DYM: variants seen among roughly 807,000 people sequenced by gnomAD.
DYM encodes dymeclin.
In DYM, 78 loss-of-function variants were observed where a neutral mutation model predicts 93.1. The ratio of observed to expected loss-of-function variants is 0.84; its 90% CI spans 0.70 to 1.01. The LOEUF is 1.01. Ranked by LOEUF, DYM falls within the 50% of genes least tolerant of loss-of-function variation. The probability of loss-of-function intolerance (pLI) is 0.00; values close to 1 mark genes in which losing one functional copy is unlikely to be tolerated. For missense variants in DYM, 789 were observed against 845.0 expected (o/e 0.93, Z 0.82); for synonymous variants, 321 against 319.7 (o/e 1.00, Z -0.04).
intron 1 of DYM, among the ~76,000 whole-genome samples, chr18:49,441,268 AAT>A (rs1491276415): frequency 8.9e-5 from 3 of 33,878 alleles, no homozygotes; most frequent in African/African-American, 2.6e-4. Flanking sequence ...ATAATTATAT[AAT>A]ATATATTATA....
intron 14 of DYM, among the ~76,000 whole-genome samples, chr18:49,188,704 G>C (rs2145634213): frequency 6.6e-6 from 1 of 152,258 alleles, no homozygotes; most frequent in South Asian, 2.1e-4. Context: ...TGGGGGGAAG[G>C]GGGAGGGATA....
At chr18:49,368,047 G>A (rs780563592) in intron 5 of DYM, among the ~76,000 whole-genome samples, 1 of 152,118 alleles carries the variant, frequency 6.6e-6, no homozygotes, top group Non-Finnish European at 1.5e-5. Flanking sequence ...TAATCATAAA[G>A]AGGAAAGGCA....
chr18:49,415,031 C>T (rs1306218860), intron 2 of DYM, among the ~76,000 whole-genome samples: 2 of 151,870 alleles, frequency 1.3e-5, no homozygotes, highest in Non-Finnish European at 2.9e-5. Flanking sequence ...GTCTCCCAGG[C>T]TGGAGTACAG....
chr18:49,364,667 C>T (rs2066344449), intron 5 of DYM, among the ~76,000 whole-genome samples: 1 of 152,116 alleles, frequency 6.6e-6, no homozygotes, highest in Non-Finnish European at 1.5e-5. Flanking sequence ...CTCCAAAGTA[C>T]AGCATGCCAG....
chr18:49,222,513 A>T (rs2093400200), intron 13 of DYM, among the ~76,000 whole-genome samples: 1 of 152,180 alleles, frequency 6.6e-6, no homozygotes, highest in Admixed American at 6.6e-5. Flanking sequence ...TGTCAAAAAG[A>T]CATAAGAGGC....
At chr18:49,195,798 A>G (rs2091382035) in intron 14 of DYM, among the ~76,000 whole-genome samples, 1 of 152,192 alleles carries the variant, frequency 6.6e-6, no homozygotes, top group Admixed American at 6.5e-5. Context: ...CAAATTCAAG[A>G]AGACTTAGGG....
At chr18:49,174,119 GTTTTCT>G (rs976438389) in intron 14 of DYM, among the ~76,000 whole-genome samples, 7 of 152,042 alleles carry the variant, frequency 4.6e-5, no homozygotes, top group African/African-American at 1.4e-4. Flanking sequence ...TGATCATATA[GTTTTCT>G]TTTTAAGTCT....
intron 8 of DYM, among the ~76,000 whole-genome samples, chr18:49,328,370 TGG>T (rs1207893389): frequency 6.6e-6 from 1 of 152,018 alleles, no homozygotes; most frequent in Admixed American, 6.6e-5. Flanking sequence ...AATGGATGAA[TGG>T]GCAGAAAATA....
chr18:49,058,724 A>C (rs2075711244), intron 17 of DYM, among the ~76,000 whole-genome samples: 1 of 152,248 alleles, frequency 6.6e-6, no homozygotes, highest in African/African-American at 2.4e-5. Flanking sequence ...CAACATTGAG[A>C]GTTACCTTGG....
intron 17 of DYM, among the ~76,000 whole-genome samples, chr18:49,075,085 A>G (rs1158830578): frequency 6.6e-6 from 1 of 152,186 alleles, no homozygotes. Context: ...CAGGAAACCT[A>G]GCTTTCACCT....
chr18:49,379,646 G>T lies in DYM; in HGVS notation c.287+19C>A. 6.3e-7 allele frequency: 1 copy of T among 1,579,114 alleles called. No homozygotes were observed. The highest frequency in any genetic ancestry group is 8.7e-7 in the Non-Finnish European group (1 of 1,148,568). On this transcript the variant is annotated intron_variant, in intron 4 of 17. Coordinates refer to ENST00000675505, the MANE Select transcript of DYM (RefSeq NM_001353214.3). ...CATTGTTAAATATAAAGCAAACATG[G>T]TTTAATTAGCCAGCTTACTTCTGAC...
chr18:49,116,489 G>A (rs1208905572), intron 16 of DYM: 2 of 152,216 alleles, frequency 1.3e-5, no homozygotes, highest in Non-Finnish European at 1.5e-5. Context: ...TCAGAAGTAA[G>A]TAAACAGCTA....
Position 49,108,106 on chromosome 18 carries a change from C to T in DYM, c.1912-10591G>A, listed in dbSNP as rs137882422. Among the ~76,000 whole-genome samples, 11 of 152,334 alleles carry T rather than the reference C, an allele frequency of 7.2e-5. No individual in the cohort carries two copies. The East Asian group carries it at 9.7e-4, about 13-fold the overall frequency. On this transcript the variant is annotated intron_variant, in intron 16 of 17. Coordinates refer to ENST00000675505, the MANE Select transcript of DYM (RefSeq NM_001353214.3). ...TTACCTACTCAAGCCTTGGCAATGG[C>T]GGATGCCCCTCCCCCAGCCTCACTG...
At chr18:49,258,839 CAGAGAGAGAG>C (rs61360021) in intron 11 of DYM, among the ~76,000 whole-genome samples, 2,891 of 113,680 alleles carry the variant, frequency 0.025, 43 homozygotes, top group African/African-American at 0.04. Flanking sequence ...CACACACACA[CAGAGAGAGAG>C]AGAGAGAGAG....
At chr18:49,102,877 C>T (rs1241858356) in intron 16 of DYM, among the ~76,000 whole-genome samples, 1 of 152,132 alleles carries the variant, frequency 6.6e-6, no homozygotes, top group Non-Finnish European at 1.5e-5. Flanking sequence ...AATAAACACA[C>T]GTGTGCATGT....
Position 49,037,328 on chromosome 18 carries a change from G to C in DYM, c.*6727C>G, listed in dbSNP as rs1334631280. Among the ~76,000 whole-genome samples the C allele has an allele frequency of 6.6e-6, 1 of 151,854 alleles. No homozygotes were observed. Among genetic ancestry groups the C allele is most frequent in the Admixed American group, 6.6e-5 (1 of 15,246 alleles). ...AAATTTTTGAGGTAATTGCTTAATT[G>C]ATTTTTAACCTTTCTTCTTTTCTAA... On this transcript the variant is annotated 3_prime_UTR_variant, in exon 18 of 18. Coordinates refer to ENST00000675505, the MANE Select transcript of DYM (RefSeq NM_001353214.3).
At chr18:49,200,819 C>A (rs952026837) in intron 14 of DYM, among the ~76,000 whole-genome samples, 2 of 151,972 alleles carry the variant, frequency 1.3e-5, no homozygotes, top group African/African-American at 4.8e-5. Flanking sequence ...TTAAATCAGG[C>A]AAATTAACAT....
chr18:49,116,850 C>T (rs2081966539), intron 16 of DYM, among the ~76,000 whole-genome samples: 1 of 152,158 alleles, frequency 6.6e-6, no homozygotes, highest in South Asian at 2.1e-4. Flanking sequence ...GTTCCTTAGG[C>T]AAAACTTTGT....
At chr18:49,148,575 T>C (rs955894417) in intron 15 of DYM, among the ~76,000 whole-genome samples, 3 of 152,212 alleles carry the variant, frequency 2.0e-5, no homozygotes, top group African/African-American at 7.2e-5. Context: ...ACATGTTAAA[T>C]ACAAGAAAAT....
Sources: gnomAD v4.1 joint callset for allele counts (sites outside exome capture counted in the v4.1 genomes callset) on GRCh38, gnomAD v4.1.1 for gene constraint, MANE v1.5 for transcripts, NCBI Gene and HGNC (gene_info 2026-07-23, HGNC 2026-07-21) for gene names.